The following ABLIM1 variants were observed in gnomAD, a reference collection of about 807,000 sequenced individuals.
ABLIM1 encodes the protein actin binding LIM protein 1.
A neutral mutation model predicts 107.0 loss-of-function variants in ABLIM1; 40 were observed. The ratio of observed to expected loss-of-function variants is 0.37; its 90% CI spans 0.29 to 0.49. The LOEUF (loss-of-function observed/expected upper bound fraction) is 0.49. ABLIM1 is among the 20% of genes least tolerant of loss of function. The pLI is 0.97. For synonymous variants in ABLIM1, 357 were observed against 357.3 expected (o/e 1.00, Z 0.01); for missense variants, 857 against 1,008.5 (o/e 0.85, Z 2.04).
intron 1 of ABLIM1, among the ~76,000 whole-genome samples, chr10:114,663,620 T>C (rs1459125347): frequency 6.6e-6 from 1 of 152,224 alleles, no homozygotes; most frequent in Non-Finnish European, 1.5e-5. Flanking sequence ...CATATACAGC[T>C]GCAAGATATA....
intron 1 of ABLIM1, among the ~76,000 whole-genome samples, chr10:114,723,796 G>GGTAA (rs1444440982): frequency 5.4e-5 from 6 of 112,052 alleles, no homozygotes; most frequent in African/African-American, 1.9e-4. Flanking sequence ...TTATATTGTA[G>GGTAA]GTAACTAACT....
chr10:114,636,757 G>T (rs1023761063), intron 1 of ABLIM1, among the ~76,000 whole-genome samples: 13 of 152,148 alleles, frequency 8.5e-5, no homozygotes, highest in African/African-American at 2.9e-4. Flanking sequence ...GCAAGGCTCG[G>T]CGCAGTGGTG....
At chr10:114,787,168 G>A in the ABLIM1 span, among the ~76,000 whole-genome samples, 2 of 151,528 alleles carry the variant, frequency 1.3e-5, no homozygotes, top group African/African-American at 4.9e-5. Flanking sequence ...GATGTGAGGA[G>A]CGTCTCTGCC....
intron 8 of ABLIM1, among the ~76,000 whole-genome samples, chr10:114,477,341 A>G (rs1452616533): frequency 1.3e-5 from 2 of 152,082 alleles, no homozygotes; most frequent in Admixed American, 6.5e-5. Context: ...GGGTGGGGAG[A>G]GGGTGTGCGG....
chr10:114,693,732 T>C (rs1036943932), intron 1 of ABLIM1, among the ~76,000 whole-genome samples: 1 of 152,012 alleles, frequency 6.6e-6, no homozygotes, highest in African/African-American at 2.4e-5. Flanking sequence ...CACTGTAACC[T>C]TGAACTCCCA....
intron 1 of ABLIM1, chr10:114,632,889 T>A: frequency 3.2e-6 from 2 of 615,512 alleles, no homozygotes; most frequent in Non-Finnish European, 4.1e-6. Context: ...CAGCAGCAAC[T>A]CCTCAGGAGG....
At chr10:114,491,010 G>GTATATATATATATATATATATATA (rs1484101683) in intron 7 of ABLIM1, among the ~76,000 whole-genome samples, 2 of 89,186 alleles carry the variant, frequency 2.2e-5, no homozygotes, top group African/African-American at 1.0e-4. Context: ...GTGTGTGTGT[G>GTATATATATATATATATATATATA]TGTATATATA....
At chr10:114,631,976 G>A in intron 1 of ABLIM1, 2 of 1,302,294 alleles carry the variant, frequency 1.5e-6, no homozygotes, top group Non-Finnish European at 2.0e-6. Context: ...AACTCTGGGA[G>A]TGGAAGCGCG....
chr10:114,712,329 G>A (rs1268075655), intron 1 of ABLIM1, among the ~76,000 whole-genome samples: 3 of 144,610 alleles, frequency 2.1e-5, no homozygotes, highest in African/African-American at 8.0e-5. Context: ...CTCCAGCCTG[G>A]GTGACAGAGC....
chr10:114,695,511 A>G (rs1461785924), intron 1 of ABLIM1, among the ~76,000 whole-genome samples: 1 of 151,922 alleles, frequency 6.6e-6, no homozygotes, highest in African/African-American at 2.4e-5. Flanking sequence ...TTCAAACCCC[A>G]CTCCCACAAC....
chr10:114,648,623 C>T (rs950707573), intron 1 of ABLIM1, among the ~76,000 whole-genome samples: 4 of 152,180 alleles, frequency 2.6e-5, no homozygotes, highest in South Asian at 2.1e-4. Context: ...TGCACAACTT[C>T]GTGGTTCTAC....
intron 6 of ABLIM1, among the ~76,000 whole-genome samples, chr10:114,523,249 C>G (rs528920606): frequency 1.4e-4 from 22 of 152,134 alleles, no homozygotes; most frequent in Non-Finnish European, 3.1e-4. Context: ...TCTCTCACTA[C>G]GGCATCTTTA....
At chr10:114,755,340 G>C (rs1477684586) in intron 1 of ABLIM1, among the ~76,000 whole-genome samples, 3 of 152,176 alleles carry the variant, frequency 2.0e-5, no homozygotes, top group African/African-American at 7.2e-5. Context: ...TGTCTTCCAC[G>C]AAACCAGTCC....
chr10:114,488,153 T>G, intron 7 of ABLIM1, 137 bp from the exon 8 acceptor site: 2 of 921,888 alleles, frequency 2.2e-6, no homozygotes, highest in Non-Finnish European at 3.5e-6. Flanking sequence ...TCCAAGTGAA[T>G]CATAACACAA....
intron 15 of ABLIM1, among the ~76,000 whole-genome samples, chr10:114,447,629 T>C (rs1029047382): frequency 6.6e-6 from 1 of 152,348 alleles, no homozygotes; most frequent in African/African-American, 2.4e-5. Flanking sequence ...TGCAAACCAT[T>C]GGTTTTAGAC....
exon 1 of ABLIM1, chr10:114,684,678 G>A (rs977187167): frequency 7.0e-5 from 77 of 1,105,068 alleles, no homozygotes; most frequent in Middle Eastern, 4.0e-4. Flanking sequence ...GAAAACACTC[G>A]TTTCTGGGAA....
intron 15 of ABLIM1, 60 bp from the exon 16 acceptor site, chr10:114,445,463 G>T: frequency 7.1e-7 from 1 of 1,407,582 alleles, no homozygotes. Flanking sequence ...ATCTTAACGG[G>T]CTAGTCCATC....
chr10:114,664,097 C>T (rs942551499), intron 1 of ABLIM1, among the ~76,000 whole-genome samples: 1 of 152,246 alleles, frequency 6.6e-6, no homozygotes, highest in Non-Finnish European at 1.5e-5. Context: ...CAGGGCTTCT[C>T]GCTCACTGGC....
intron 4 of ABLIM1, among the ~76,000 whole-genome samples, chr10:114,567,758 G>A (rs1010333632): frequency 6.6e-6 from 1 of 152,186 alleles, no homozygotes; most frequent in African/African-American, 2.4e-5. Flanking sequence ...CACAGAATGT[G>A]AAATAAAACT....
Sources: gnomAD v4.1 joint callset for allele counts (sites outside exome capture counted in the v4.1 genomes callset) on GRCh38, gnomAD v4.1.1 for gene constraint, MANE v1.5 for transcripts, NCBI Gene and HGNC (gene_info 2026-07-23, HGNC 2026-07-21) for gene names.